Variants in KCNQ1 observed in about 807,000 individuals in gnomAD.
KCNQ1 encodes potassium voltage-gated channel subfamily KQT member 1.
KCNQ1 carries 49 observed loss-of-function variants against 72.4 expected under a neutral mutation model. The ratio of observed to expected loss-of-function variants is 0.68; its 90% CI spans 0.54 to 0.86. The LOEUF (loss-of-function observed/expected upper bound fraction) is 0.86. KCNQ1 is among the 40% of genes least tolerant of loss of function. KCNQ1 has a pLI of 0.00. For missense variants in KCNQ1, 790 were observed against 945.1 expected (o/e 0.84, Z 2.15); for synonymous variants, 450 against 412.6 (o/e 1.09, Z -1.10).
rs1462038249 is a variant in KCNQ1 at position 2,484,189 on chromosome 11, G to A, written c.386+38705G>A. 6.6e-6 allele frequency among the ~76,000 whole-genome samples: 1 copy of A among 152,032 alleles called. No homozygotes were observed. The highest frequency in any genetic ancestry group is 2.4e-5 in the African/African-American group (1 of 41,360). On this transcript the variant is annotated intron_variant, in intron 1 of 15. Transcript: ENST00000155840. The surrounding 1 kb of genome is among the most constrained non-coding windows in gnomAD (Gnocchi z 5.2). ...TCCATTTATTTATTTATTTAGAGAC[G>A]GAGTTTTACTCTTGCACAGGCTGGA...
chr11:2,788,124 T>C (rs1236650230), intron 15 of KCNQ1, among the ~76,000 whole-genome samples: 2 of 152,172 alleles, frequency 1.3e-5, no homozygotes, highest in Non-Finnish European at 2.9e-5. Flanking sequence ...ACTCCAGTAG[T>C]TGCCATCTCA....
chr11:2,487,622 T>C (rs1005886976), intron 1 of KCNQ1, among the ~76,000 whole-genome samples: 1 of 152,184 alleles, frequency 6.6e-6, no homozygotes, highest in African/African-American at 2.4e-5. Flanking sequence ...TTCTACTTGA[T>C]GCTATTATAA....
At position 2,799,405 on chromosome 11, in the gene KCNQ1, G is replaced by A. The variant is rs554281242; in HGVS notation, c.1794+21368G>A. On this transcript the variant is annotated intron_variant, in intron 15 of 15. Coordinates refer to ENST00000155840, the MANE Select transcript of KCNQ1 (RefSeq NM_000218.3). The stretch of plus-strand genomic sequence containing the variant: ...GTGTGTGTGTGTGTGTGTGTGTGGT[G>A]TGGTGTGTAGCATGCTTGCATGCCT... 2.4e-4 allele frequency among the ~76,000 whole-genome samples: 35 copies of A among 143,278 alleles called. 3 individuals carry two copies. The South Asian group carries it at 7.1e-3, about 29-fold the overall frequency. The allele number at this position is 143,278 out of a possible 152,430, so 94.0% of individuals were successfully genotyped here. A position where few individuals can be genotyped will look rare whatever the true frequency, so the allele number is the denominator to read the frequency against.
intron 12 of KCNQ1, among the ~76,000 whole-genome samples, chr11:2,775,645 A>T (rs997818665): frequency 2.6e-5 from 4 of 152,106 alleles, no homozygotes; most frequent in African/African-American, 9.7e-5. Flanking sequence ...AGCCATTGAG[A>T]ACCAGAACTG....
rs540256140 is a variant in KCNQ1, at chr11:2,670,114, G to C, written c.1514+8033G>C. On this transcript the variant is annotated intron_variant, in intron 11 of 15. Coordinates refer to ENST00000155840, the MANE Select transcript of KCNQ1 (RefSeq NM_000218.3). This position sits in a 1 kb window ranked among gnomAD's most constrained non-coding sequence, Gnocchi z 4.9. ...GGACTGTGTCTCATGGCAGTCACAG[G>C]TGCCCCAGTATGCATCTGTCATTTG... The C allele has an allele frequency of 2.8e-4, 112 of 398,760 alleles. No individual in the cohort carries two copies. Among genetic ancestry groups the C allele is most frequent in the African/African-American group, 1.9e-3 (95 of 48,754 alleles). 24.7% of individuals were successfully genotyped at this position (398,760 alleles called of 1,614,324 possible).
rs1850433802 is a variant in KCNQ1 at position 2,683,503 on chromosome 11, G to T, written c.1514+21422G>T. ...TCCTATTAAAACATAACTTGTTAAA[G>T]CATAGAGCTTAGTTCAGAGTAAACA... On this transcript the variant is annotated intron_variant, in intron 11 of 15. Coordinates refer to ENST00000155840, the MANE Select transcript of KCNQ1 (RefSeq NM_000218.3). The surrounding 1 kb of genome is among the most constrained non-coding windows in gnomAD (Gnocchi z 4.7). 1 of 398,498 alleles carries T rather than the reference G, an allele frequency of 2.5e-6. No individual in the cohort carries two copies. The highest frequency in any genetic ancestry group is 4.4e-6 in the Non-Finnish European group (1 of 226,062). 24.7% of individuals were successfully genotyped at this position (398,498 alleles called of 1,614,324 possible). A position where few individuals can be genotyped will look rare whatever the true frequency, so the allele number is the denominator to read the frequency against.
intron 15 of KCNQ1, among the ~76,000 whole-genome samples, chr11:2,797,053 G>GTTT (rs1847150546): frequency 6.6e-6 from 1 of 152,218 alleles, no homozygotes; most frequent in Non-Finnish European, 1.5e-5. Flanking sequence ...CGTCCCCACG[G>GTTT]GGCCACAACG....
chr11:2,503,851 G>A (rs1302881816), intron 1 of KCNQ1, among the ~76,000 whole-genome samples: 1 of 152,210 alleles, frequency 6.6e-6, no homozygotes, highest in East Asian at 1.9e-4. Flanking sequence ...GTGAGGATGT[G>A]GAGAAAAGGG....
In KCNQ1 at chr11:2,588,009, G is replaced by A. The variant is rs554630573; in HGVS notation, c.1251+317G>A. ...GCCTCAGGGTTGGGCTTTCCACACC[G>A]GGCGCAGTGGGTGGTGAGCAGTGGG... On this transcript the variant is annotated intron_variant, in intron 9 of 15. Transcript: ENST00000155840. This position sits in a 1 kb window ranked among gnomAD's most constrained non-coding sequence, Gnocchi z 5.6. Among the ~76,000 whole-genome samples the A allele has an allele frequency of 6.6e-4, 100 of 152,132 alleles. No individual in the cohort carries two copies. Among genetic ancestry groups the A allele is most frequent in the Middle Eastern group, 6.8e-3 (2 of 294 alleles).
rs1442301619 is a variant in KCNQ1 at position 2,494,932 on chromosome 11, G to A, written c.387-32996G>A. Among the ~76,000 whole-genome samples the A allele has an allele frequency of 6.6e-6, 1 of 152,132 alleles. No individual in the cohort carries two copies. Among genetic ancestry groups the A allele is most frequent in the Non-Finnish European group, 1.5e-5 (1 of 68,026 alleles). ...AGGAATGGTACCAGCTCCTCTTTGT[G>A]CCTCTGGTAGAATTTGGGTGTGAAT... On this transcript the variant is annotated intron_variant, in intron 1 of 15. Coordinates refer to ENST00000155840, the MANE Select transcript of KCNQ1 (RefSeq NM_000218.3). This position sits in a 1 kb window ranked among gnomAD's most constrained non-coding sequence, Gnocchi z 4.6.
chr11:2,504,522 G>A (rs1053750567), intron 1 of KCNQ1, among the ~76,000 whole-genome samples: 7 of 152,172 alleles, frequency 4.6e-5, no homozygotes, highest in African/African-American at 7.2e-5. Flanking sequence ...TTGGGAGGCC[G>A]AGTCATATGA....
intron 15 of KCNQ1, among the ~76,000 whole-genome samples, chr11:2,791,058 G>A (rs1161991127): frequency 6.6e-6 from 1 of 152,242 alleles, no homozygotes; most frequent in Admixed American, 6.5e-5. Flanking sequence ...TCTCCTGAAT[G>A]ACTCTATTTA....
chr11:2,799,285 G>T (rs1293397307), intron 15 of KCNQ1, among the ~76,000 whole-genome samples: 4 of 152,252 alleles, frequency 2.6e-5, no homozygotes, highest in Non-Finnish European at 5.9e-5. Flanking sequence ...TCCATGGTGG[G>T]CCAGGAGGTC....
intron 15 of KCNQ1, among the ~76,000 whole-genome samples, chr11:2,800,086 C>CT (rs1847228090): frequency 6.6e-6 from 1 of 152,222 alleles, no homozygotes; most frequent in African/African-American, 2.4e-5. Flanking sequence ...GACCTGGGGG[C>CT]TGTGAGCAGA....
chr11:2,668,985 G>A lies in KCNQ1; in HGVS notation c.1514+6904G>A, dbSNP rs1209808444. Reference sequence around the variant, plus strand: ...TGATTTTTGTGTCCAATGTGAGGCCGAGGTCAAGGTCCACTCTTCCCCTAC... The same window carrying A: ...TGATTTTTGTGTCCAATGTGAGGCCAAGGTCAAGGTCCACTCTTCCCCTAC... On this transcript the variant is annotated intron_variant, in intron 11 of 15. Transcript: ENST00000155840. This position sits in a 1 kb window ranked among gnomAD's most constrained non-coding sequence, Gnocchi z 4.3. 6 of 398,396 alleles carry A rather than the reference G, an allele frequency of 1.5e-5. No homozygotes were observed. Among genetic ancestry groups the A allele is most frequent in the East Asian group, 1.1e-4 (3 of 28,082 alleles). The allele number at this position is 398,396 out of a possible 1,614,324, so 24.7% of individuals were successfully genotyped here.
At chr11:2,618,393 G>C in intron 10 of KCNQ1, 1 of 398,518 alleles carries the variant, frequency 2.5e-6, no homozygotes, top group Non-Finnish European at 4.4e-6. Flanking sequence ...GCTTACATGT[G>C]GTCTGTGGGC....
rs551184519 is a variant in KCNQ1 at position 2,834,935 on chromosome 11, G to A, written c.1795-12832G>A. Among the ~76,000 whole-genome samples the A allele has an allele frequency of 1.8e-4, 27 of 152,304 alleles. 1 individual carries two copies. The highest frequency in any genetic ancestry group is 3.4e-3 in the Middle Eastern group (1 of 292). On this transcript the variant is annotated intron_variant, in intron 15 of 15. Transcript: ENST00000155840. ...TGGATTCCAGATTCCAAGCCTGGCC[G>A]CCCAGCCCCTATCTGGGACCCCAGC...
At chr11:2,793,803 G>T (rs1023008633) in intron 15 of KCNQ1, among the ~76,000 whole-genome samples, 6 of 152,324 alleles carry the variant, frequency 3.9e-5, no homozygotes, top group African/African-American at 1.4e-4. Flanking sequence ...GGGTGGGCTG[G>T]CCCCTGCTCC....
At position 2,848,363 on chromosome 11, in the gene KCNQ1, C is replaced by G. The variant is rs1332658985; in HGVS notation, c.*360C>G. ...TAGCACAGGCTGAGTGCAGGCCCAC[C>G]CTGCTTGGCCCAGGGGGCTTCCTGA... On this transcript the variant is annotated 3_prime_UTR_variant, in exon 16 of 16. Transcript: ENST00000155840. The G allele has an allele frequency of 1.9e-6, 1 of 529,760 alleles. No homozygotes were observed. The allele number at this position is 529,760 out of a possible 1,614,324, so 32.8% of individuals were successfully genotyped here.
Sources: allele counts gnomAD v4.1 joint callset (sites outside exome capture counted in the v4.1 genomes callset), GRCh38; gene constraint gnomAD v4.1.1; non-coding constraint Gnocchi (gnomAD v3.1); transcripts MANE v1.5; gene names NCBI Gene and HGNC (gene_info 2026-07-23, HGNC 2026-07-21).